SPRYD4: variants seen among roughly 807,000 people sequenced by gnomAD.
The protein encoded by SPRYD4 is SPRY domain containing 4, also known as SPRY domain-containing protein 4.
In SPRYD4, 12 loss-of-function variants were observed where a neutral mutation model predicts 16.6. The ratio of observed to expected loss-of-function variants is 0.72; its 90% CI spans 0.46 to 1.17. The LOEUF is 1.17. SPRYD4 is among the 50% of genes most tolerant of loss of function. The pLI is 0.00. For missense variants in SPRYD4, 260 were observed against 260.2 expected (o/e 1.00, Z 0.00); for synonymous variants, 98 against 105.4 (o/e 0.93, Z 0.43).
Position 56,479,344 on chromosome 12 carries a change from T to G in SPRYD4, c.*9767T>G, listed in dbSNP as rs886398861. On this transcript the variant is annotated 3_prime_UTR_variant, in exon 2 of 2. Transcript: ENST00000338146. ...CAGTTTACCTTTCTAGGTCTTAGTT[T>G]CCGTACCTCTAAAATGAGGGGTTTT... The G allele has an allele frequency of 3.5e-5, 27 of 771,296 alleles. No individual in the cohort carries two copies. The highest frequency in any genetic ancestry group is 6.7e-5 in the Admixed American group (2 of 29,866). The allele number at this position is 771,296 out of a possible 1,614,324, so 47.8% of individuals were successfully genotyped here. A position where few individuals can be genotyped will look rare whatever the true frequency, so the allele number is the denominator to read the frequency against.
rs1216746644 is a variant in SPRYD4 at position 56,471,244 on chromosome 12, C to T, written c.*1667C>T. 4.1e-6 allele frequency: 2 copies of T among 488,454 alleles called. No homozygotes were observed. Among genetic ancestry groups the T allele is most frequent in the African/African-American group, 3.9e-5 (2 of 51,140 alleles). The allele number at this position is 488,454 out of a possible 1,614,324, so 30.3% of individuals were successfully genotyped here. On this transcript the variant is annotated 3_prime_UTR_variant, in exon 2 of 2. Coordinates refer to ENST00000338146, the MANE Select transcript of SPRYD4 (RefSeq NM_207344.4). ...GAGTGGGGCAAGCCATTAGGCTGTACCTTGAAGCCCAGTCTCTCTGGATAG... is the reference window on the plus strand; with the variant it reads ...GAGTGGGGCAAGCCATTAGGCTGTATCTTGAAGCCCAGTCTCTCTGGATAG...
At position 56,473,752 on chromosome 12, in the gene SPRYD4, C is replaced by T; in HGVS notation, c.*4175C>T. 1 of 782,418 alleles carries T rather than the reference C, an allele frequency of 1.3e-6. No homozygotes were observed. The highest frequency in any genetic ancestry group is 1.9e-6 in the Non-Finnish European group (1 of 525,998). 48.5% of individuals were successfully genotyped at this position (782,418 alleles called of 1,614,324 possible). ...AATTAGCTTCTTTTATTACTCCTGTCCTTTCCTTCCCTTAAATTCATTGAT... is the reference window on the plus strand; with the variant it reads ...AATTAGCTTCTTTTATTACTCCTGTTCTTTCCTTCCCTTAAATTCATTGAT... On this transcript the variant is annotated 3_prime_UTR_variant, in exon 2 of 2. Coordinates refer to ENST00000338146, the MANE Select transcript of SPRYD4 (RefSeq NM_207344.4).
rs1869325284 is a variant in SPRYD4 at position 56,472,046 on chromosome 12, A to G, written c.*2469A>G. ...CCCTATAACCTTGAGGGCACATATA[A>G]TGAAGGTACTTTTGGTGAAAAAGAA... On this transcript the variant is annotated 3_prime_UTR_variant, in exon 2 of 2. Coordinates refer to ENST00000338146, the MANE Select transcript of SPRYD4 (RefSeq NM_207344.4). The G allele has an allele frequency of 6.6e-7, 1 of 1,524,068 alleles. No individual in the cohort carries two copies. Among genetic ancestry groups the G allele is most frequent in the African/African-American group, 1.4e-5 (1 of 72,782 alleles). The allele number at this position is 1,524,068 out of a possible 1,614,324, so 94.4% of individuals were successfully genotyped here.
In SPRYD4 at chr12:56,472,682, A is replaced by C; in HGVS notation, c.*3105A>C. On this transcript the variant is annotated 3_prime_UTR_variant, in exon 2 of 2. Coordinates refer to ENST00000338146, the MANE Select transcript of SPRYD4 (RefSeq NM_207344.4). The stretch of plus-strand genomic sequence containing the variant: ...TTTATTGTGTATATTTGGTCACAGT[A>C]GCATTACCTTCGAAGAGCTGAGACA... 6.2e-7 allele frequency: 1 copy of C among 1,612,952 alleles called. No individual in the cohort carries two copies. The highest frequency in any genetic ancestry group is 8.5e-7 in the Non-Finnish European group (1 of 1,179,050).
Position 56,479,550 on chromosome 12 carries a change from T to A in SPRYD4, c.*9973T>A. The A allele has an allele frequency of 2.2e-6, 1 of 464,338 alleles. No individual in the cohort carries two copies. The highest frequency in any genetic ancestry group is 3.6e-6 in the Non-Finnish European group (1 of 276,992). The allele number at this position is 464,338 out of a possible 1,614,324, so 28.8% of individuals were successfully genotyped here. ...TAGAAGATACCCACTAATCTGCTAA[T>A]ATTTACTTCTGGGAAAAGAGGACAG... On this transcript the variant is annotated 3_prime_UTR_variant, in exon 2 of 2. Coordinates refer to ENST00000338146, the MANE Select transcript of SPRYD4 (RefSeq NM_207344.4).
At position 56,471,461 on chromosome 12, in the gene SPRYD4, G is replaced by C; in HGVS notation, c.*1884G>C. On this transcript the variant is annotated 3_prime_UTR_variant, in exon 2 of 2. Transcript: ENST00000338146. The stretch of plus-strand genomic sequence containing the variant: ...GTGTGGCCAGCTCATGCTTTTTCTT[G>C]AGCAGGGGCTGTCCATGACCTGTGC... The C allele has an allele frequency of 6.3e-7, 1 of 1,588,308 alleles. No homozygotes were observed. Among genetic ancestry groups the C allele is most frequent in the Non-Finnish European group, 8.6e-7 (1 of 1,168,094 alleles).
chr12:56,476,403 A>T lies in SPRYD4; in HGVS notation c.*6826A>T, dbSNP rs1057053652. The T allele has an allele frequency of 1.4e-5, 3 of 216,508 alleles. No individual in the cohort carries two copies. Among genetic ancestry groups the T allele is most frequent in the African/African-American group, 7.0e-5 (3 of 42,562 alleles). 13.4% of individuals were successfully genotyped at this position (216,508 alleles called of 1,614,324 possible). On this transcript the variant is annotated 3_prime_UTR_variant, in exon 2 of 2. Coordinates refer to ENST00000338146, the MANE Select transcript of SPRYD4 (RefSeq NM_207344.4). The stretch of plus-strand genomic sequence containing the variant: ...TTTCCTGACTCGAATCCTGTCTCCT[A>T]GCCCCACCCTATCCCTGATCTCCAT...
At position 56,475,553 on chromosome 12, in the gene SPRYD4, T is replaced by A. The variant is rs747024690; in HGVS notation, c.*5976T>A. On this transcript the variant is annotated 3_prime_UTR_variant, in exon 2 of 2. Coordinates refer to ENST00000338146, the MANE Select transcript of SPRYD4 (RefSeq NM_207344.4). ...CCTAAGATTCTCTCTCCCCCATTCC[T>A]CTTGTCCCCATCCTAAGTACACACA... 8.6e-6 allele frequency: 13 copies of A among 1,503,580 alleles called. No homozygotes were observed. Among genetic ancestry groups the A allele is most frequent in the African/African-American group, 1.4e-5 (1 of 72,466 alleles). 93.1% of individuals were successfully genotyped at this position (1,503,580 alleles called of 1,614,324 possible). A position where few individuals can be genotyped will look rare whatever the true frequency, so the allele number is the denominator to read the frequency against.
rs780512224 is a variant in SPRYD4 at position 56,469,468 on chromosome 12, T to C, written c.515T>C (p.Val172Ala). ...LSLVDVSQVS[V>A]VHTLQTDFRG... is the part of the protein sequence containing the mutation. ...CTGGTGGATGTGAGCCAGGTCTCTG[T>C]GGTTCACACGCTACAGACAGATTTC... Residue 172 changes from valine to alanine, a missense_variant, in exon 2 of 2, where the codon GTG becomes GCG. Physicochemically the swap from Val to Ala is moderately conservative, Grantham distance 64 (BLOSUM62 0). Transcript: ENST00000338146. The C allele has an allele frequency of 1.2e-5, 19 of 1,613,934 alleles. No homozygotes were observed. The highest frequency in any genetic ancestry group is 2.5e-6 in the Non-Finnish European group (3 of 1,180,010).
rs770208605 is a variant in SPRYD4 at position 56,475,056 on chromosome 12, G to C, written c.*5479G>C. ...CTCTTCTGGTTACCTTCTTTTCCTT[G>C]AGATAATAGCCGATGGCATAATTCC... On this transcript the variant is annotated 3_prime_UTR_variant, in exon 2 of 2. Coordinates refer to ENST00000338146, the MANE Select transcript of SPRYD4 (RefSeq NM_207344.4). 3 of 1,614,058 alleles carry C rather than the reference G, an allele frequency of 1.9e-6. No homozygotes were observed. The highest frequency in any genetic ancestry group is 2.2e-5 in the South Asian group (2 of 91,082).
chr12:56,468,629 G>A lies in SPRYD4; in HGVS notation c.38G>A (p.Arg13His). The stretch of plus-strand genomic sequence containing the variant: ...TTTGCACGTTCTTTGCGCTTGTGCC[G>A]CTGGGGAGCCAAACGATTGGGAGTT... ...LLFARSLRLC[R>H]WGAKRLGVAS... The change falls in exon 1 of 2, where the codon CGC becomes CAC. Residue 13 changes from arginine (R) to histidine (H), a missense_variant. Coordinates refer to ENST00000338146, the MANE Select transcript of SPRYD4 (RefSeq NM_207344.4). 6.2e-7 allele frequency: 1 copy of A among 1,613,956 alleles called. No individual in the cohort carries two copies. Among genetic ancestry groups the A allele is most frequent in the East Asian group, 2.2e-5 (1 of 44,884 alleles).
chr12:56,475,786 T>C lies in SPRYD4; in HGVS notation c.*6209T>C. The C allele has an allele frequency of 7.2e-7, 1 of 1,383,808 alleles. No homozygotes were observed. The highest frequency in any genetic ancestry group is 1.0e-6 in the Non-Finnish European group (1 of 990,158). 85.7% of individuals were successfully genotyped at this position (1,383,808 alleles called of 1,614,324 possible). A position where few individuals can be genotyped will look rare whatever the true frequency, so the allele number is the denominator to read the frequency against. On this transcript the variant is annotated 3_prime_UTR_variant, in exon 2 of 2. Coordinates refer to ENST00000338146, the MANE Select transcript of SPRYD4 (RefSeq NM_207344.4). Reference sequence around the variant, plus strand: ...TGAACTCAGGTCTTGTCAAGAGGCTTTCCTCTCTGAGGCCAGCAGATTTCC... The same window carrying C: ...TGAACTCAGGTCTTGTCAAGAGGCTCTCCTCTCTGAGGCCAGCAGATTTCC...
In SPRYD4 at chr12:56,469,210, G is replaced by A; in HGVS notation, c.257G>A (p.Gly86Asp). ...VVLADTAVTS[G>D]RHYWEVTVKR... ...CTGGCAGACACAGCGGTCACCAGTG[G>A]CAGACACTACTGGGAAGTGACAGTG... Residue 86 changes from glycine to aspartate, a missense_variant, in exon 2 of 2, where the codon GGC (glycine) becomes GAC (aspartate). Transcript: ENST00000338146. The A allele has an allele frequency of 6.2e-7, 1 of 1,614,194 alleles. No homozygotes were observed. Among genetic ancestry groups the A allele is most frequent in the Non-Finnish European group, 8.5e-7 (1 of 1,180,044 alleles).
rs566618867 is a variant in SPRYD4, at chr12:56,478,458, A to G, written c.*8881A>G. 488 of 593,072 alleles carry G rather than the reference A, an allele frequency of 8.2e-4. No homozygotes were observed. Among genetic ancestry groups the G allele is most frequent in the Non-Finnish European group, 1.2e-3 (404 of 333,296 alleles). 36.7% of individuals were successfully genotyped at this position (593,072 alleles called of 1,614,324 possible). ...AAGGCCATATCTTTGTGTATCCGCA[A>G]TCCTGTAGAGATAGCAGTAAAGCCA... is the stretch of plus-strand genomic sequence containing the variant. On this transcript the variant is annotated 3_prime_UTR_variant, in exon 2 of 2. Coordinates refer to ENST00000338146, the MANE Select transcript of SPRYD4 (RefSeq NM_207344.4).
Position 56,477,598 on chromosome 12 carries a change from G to A in SPRYD4, c.*8021G>A. 6.6e-7 allele frequency: 1 copy of A among 1,505,228 alleles called. No homozygotes were observed. Among genetic ancestry groups the A allele is most frequent in the Non-Finnish European group, 9.1e-7 (1 of 1,097,248 alleles). 93.2% of individuals were successfully genotyped at this position (1,505,228 alleles called of 1,614,324 possible). ...TCCCTGGAGAGCTGAACAAATATGAGGGATACAGGAACACAGGAGCTTAGA... is the reference window on the plus strand; with the variant it reads ...TCCCTGGAGAGCTGAACAAATATGAAGGATACAGGAACACAGGAGCTTAGA... On this transcript the variant is annotated 3_prime_UTR_variant, in exon 2 of 2. Transcript: ENST00000338146.
In SPRYD4 at chr12:56,476,405, C is replaced by T. The variant is rs1050586156; in HGVS notation, c.*6828C>T. The T allele has an allele frequency of 3.2e-5, 7 of 215,394 alleles. No homozygotes were observed. Among genetic ancestry groups the T allele is most frequent in the African/African-American group, 1.6e-4 (7 of 42,584 alleles). The allele number at this position is 215,394 out of a possible 1,614,324, so 13.3% of individuals were successfully genotyped here. A position where few individuals can be genotyped will look rare whatever the true frequency, so the allele number is the denominator to read the frequency against. ...TCCTGACTCGAATCCTGTCTCCTAG[C>T]CCCACCCTATCCCTGATCTCCATCC... On this transcript the variant is annotated 3_prime_UTR_variant, in exon 2 of 2. Coordinates refer to ENST00000338146, the MANE Select transcript of SPRYD4 (RefSeq NM_207344.4).
rs1363664924 is a variant in SPRYD4, at chr12:56,479,230, G to A, written c.*9653G>A. The A allele has an allele frequency of 1.3e-5, 21 of 1,602,202 alleles. No individual in the cohort carries two copies. The highest frequency in any genetic ancestry group is 1.7e-5 in the Non-Finnish European group (20 of 1,176,816). On this transcript the variant is annotated 3_prime_UTR_variant, in exon 2 of 2. Coordinates refer to ENST00000338146, the MANE Select transcript of SPRYD4 (RefSeq NM_207344.4). The stretch of plus-strand genomic sequence containing the variant: ...TAGGGGGCTAGAGAAATGCAGCTGG[G>A]ACTCACTCTGGAGCCACGGAAATTG...
chr12:56,475,202 A>G lies in SPRYD4; in HGVS notation c.*5625A>G. On this transcript the variant is annotated 3_prime_UTR_variant, in exon 2 of 2. Coordinates refer to ENST00000338146, the MANE Select transcript of SPRYD4 (RefSeq NM_207344.4). Reference sequence around the variant, plus strand: ...ACCTTCCCTGGAGAGACAGAACTACATCACACCACAAACTAAATGAACCCC... The same window carrying G: ...ACCTTCCCTGGAGAGACAGAACTACGTCACACCACAAACTAAATGAACCCC... 1 of 1,604,426 alleles carries G rather than the reference A, an allele frequency of 6.2e-7. No homozygotes were observed. Among genetic ancestry groups the G allele is most frequent in the Non-Finnish European group, 8.5e-7 (1 of 1,179,852 alleles).
chr12:56,473,503 T>C lies in SPRYD4; in HGVS notation c.*3926T>C, dbSNP rs1230130360. On this transcript the variant is annotated 3_prime_UTR_variant, in exon 2 of 2. Coordinates refer to ENST00000338146, the MANE Select transcript of SPRYD4 (RefSeq NM_207344.4). ...CCCCCTATGGCTGTTCCCCAGCTTG[T>C]CCAATGGGGGTGACAGGCACATCAT... 5 of 1,613,834 alleles carry C rather than the reference T, an allele frequency of 3.1e-6. No homozygotes were observed. The highest frequency in any genetic ancestry group is 4.2e-6 in the Non-Finnish European group (5 of 1,179,998).
Sources: allele counts gnomAD v4.1 joint callset, GRCh38; gene constraint gnomAD v4.1.1; transcripts MANE v1.5; gene names NCBI Gene and HGNC (gene_info 2026-07-23, HGNC 2026-07-21).